Variants in MARVELD3 observed in about 807,000 individuals in gnomAD.
The protein encoded by MARVELD3 is MARVEL domain containing 3.
MARVELD3 carries 28 observed loss-of-function variants against 33.5 expected under a neutral mutation model. That is an observed-to-expected ratio of 0.84 (90% CI 0.62 to 1.15). The LOEUF (loss-of-function observed/expected upper bound fraction) is 1.15, where lower values mean the gene tolerates loss of function less well. Ranked by LOEUF, MARVELD3 falls within the 50% of genes most tolerant of loss-of-function variation. MARVELD3 has a pLI of 0.00. For missense variants in MARVELD3, 582 were observed against 547.6 expected (o/e 1.06, Z -0.63); for synonymous variants, 241 against 230.4 (o/e 1.05, Z -0.42).
intron 2 of MARVELD3, among the ~76,000 whole-genome samples, chr16:71,631,219 G>A (rs2044529143): frequency 6.6e-6 from 1 of 152,192 alleles, no homozygotes; most frequent in Non-Finnish European, 1.5e-5. Context: ...CTCACAGCCT[G>A]TAATTCTGTC....
intron 2 of MARVELD3, among the ~76,000 whole-genome samples, chr16:71,630,081 TAAAAA>T (rs35937926): frequency 7.2e-6 from 1 of 139,112 alleles, no homozygotes. Flanking sequence ...ATCTCTAGTT[TAAAAA>T]AAAAAAAAAA....
At chr16:71,627,322 G>A (rs2044484059) in intron 1 of MARVELD3, among the ~76,000 whole-genome samples, 1 of 152,190 alleles carries the variant, frequency 6.6e-6, no homozygotes, top group Non-Finnish European at 1.5e-5. Flanking sequence ...GGCCAACATG[G>A]TGAAACCCCG....
At chr16:71,639,935 T>C (rs1042202054), downstream of MARVELD3, among the ~76,000 whole-genome samples, 1 of 152,204 alleles carries the variant, frequency 6.6e-6, no homozygotes, top group African/African-American at 2.4e-5. Flanking sequence ...TTTTCAAACA[T>C]AGATTGAAAA....
intron 2 of MARVELD3, among the ~76,000 whole-genome samples, chr16:71,631,579 GGCTGGGAGGTAGCGCGT>G (rs2044533687): frequency 6.6e-6 from 1 of 152,060 alleles, no homozygotes; most frequent in South Asian, 2.1e-4. Flanking sequence ...CCTCCCGAGT[GGCTGGGAGGTAGCGCGT>G]GCCACCATGC....
In MARVELD3 at chr16:71,634,934, G is replaced by A. The variant is rs1317738817; in HGVS notation, c.*131G>A. On this transcript the variant is annotated 3_prime_UTR_variant, in exon 3 of 3. Transcript: ENST00000268485. ...CAGCGAGCCAGCGTTGGTGTGGTGG[G>A]CGGAGCTCCCAGTCGCATGGAGCGG... 22 of 1,455,846 alleles carry A rather than the reference G, an allele frequency of 1.5e-5. No homozygotes were observed. The Middle Eastern group carries it at 7.7e-4, about 51-fold the overall frequency. 90.2% of individuals were successfully genotyped at this position (1,455,846 alleles called of 1,614,324 possible).
At chr16:71,632,237 T>C (rs1382646824) in intron 2 of MARVELD3, among the ~76,000 whole-genome samples, 1 of 152,210 alleles carries the variant, frequency 6.6e-6, no homozygotes, top group African/African-American at 2.4e-5. Context: ...AGGAAATTTC[T>C]AGGCTAATGA....
chr16:71,627,994 C>G (rs903707357), intron 1 of MARVELD3, among the ~76,000 whole-genome samples: 15 of 152,220 alleles, frequency 9.9e-5, no homozygotes, highest in African/African-American at 3.6e-4. Context: ...AGGAGTCAGG[C>G]TCCCCTCTCC....
At chr16:71,639,201 G>C (rs1375883308), downstream of MARVELD3, 1 of 150,498 alleles carries the variant, frequency 6.6e-6, no homozygotes, top group African/African-American at 2.5e-5. Context: ...CCTTCCAAGT[G>C]GGTGGGATTA....
At position 71,634,257 on chromosome 16, in the gene MARVELD3, C is replaced by T. The variant is rs1202466064; in HGVS notation, c.660C>T (p.Tyr220=). 1 of 1,614,064 alleles carries T rather than the reference C, an allele frequency of 6.2e-7. No individual in the cohort carries two copies. Among genetic ancestry groups the T allele is most frequent in the African/African-American group, 1.3e-5 (1 of 74,928 alleles). The change falls in exon 3 of 3, where the codon TAC becomes TAT. Residue 220 remains tyrosine, a synonymous_variant. Transcript: ENST00000268485. Reference sequence around the variant, plus strand: ...TCCTGGCCTGCAGCTCTGTGTCTTACAGTTCCACAGGGGGCTACACGGGCA... The same window carrying T: ...TCCTGGCCTGCAGCTCTGTGTCTTATAGTTCCACAGGGGGCTACACGGGCA... The part of the protein sequence containing the change: ...LLILACSSVS[Y]SSTGGYTGIT...
rs533759724 is a variant in MARVELD3, at chr16:71,629,642, T to TAAAAA, written c.595+165_595+169dup. The stretch of plus-strand genomic sequence containing the variant: ...TGTACTTGTGAGGTTCTTGTTTTCT[T>TAAAAA]AAAAAAAAAAAAAAAAAAAAAGGAG... On this transcript the variant is annotated intron_variant, in intron 2 of 2. Coordinates refer to ENST00000268485, the MANE Select transcript of MARVELD3 (RefSeq NM_052858.6). The TAAAAA allele has an allele frequency of 1.9e-3, 634 of 325,304 alleles. 3 individuals are homozygous for TAAAAA. The highest frequency in any genetic ancestry group is 2.4e-3 in the Non-Finnish European group (462 of 193,850). 20.2% of individuals were successfully genotyped at this position (325,304 alleles called of 1,614,324 possible). A position where few individuals can be genotyped will look rare whatever the true frequency, so the allele number is the denominator to read the frequency against.
chr16:71,634,117 A>T, intron 2 of MARVELD3, 76 bp from the exon 3 acceptor site: 1 of 1,540,796 alleles, frequency 6.5e-7, no homozygotes, highest in Non-Finnish European at 8.7e-7. Context: ...CCCTGCGCGG[A>T]AGGTGGGCCT....
intron 2 of MARVELD3, among the ~76,000 whole-genome samples, chr16:71,631,873 T>A (rs963111940): frequency 1.3e-5 from 2 of 152,146 alleles, no homozygotes; most frequent in African/African-American, 4.8e-5. Flanking sequence ...TGAGAGAGCA[T>A]CATCATTTCA....
At chr16:71,629,245 C>T (rs1440596684) in intron 1 of MARVELD3, 122 bp from the exon 2 acceptor site, 26 of 1,162,774 alleles carry the variant, frequency 2.2e-5, no homozygotes, top group Admixed American at 3.3e-5. Context: ...TTTAAAATAC[C>T]GGGACAAATT....
At chr16:71,640,259 C>T (rs983306940), downstream of MARVELD3, 12 of 989,106 alleles carry the variant, frequency 1.2e-5, no homozygotes, top group Admixed American at 1.3e-4. Context: ...AGAGTGACAC[C>T]GTCTCAAAAA....
Position 71,635,707 on chromosome 16 carries a change from C to T in MARVELD3, c.*904C>T. 4.1e-6 allele frequency: 4 copies of T among 985,338 alleles called. No individual in the cohort carries two copies. Among genetic ancestry groups the T allele is most frequent in the Non-Finnish European group, 3.6e-6 (3 of 829,928 alleles). The allele number at this position is 985,338 out of a possible 1,614,324, so 61.0% of individuals were successfully genotyped here. On this transcript the variant is annotated 3_prime_UTR_variant, in exon 3 of 3. Transcript: ENST00000268485. ...AAACACAGTTGTCTCAAGCAGATTA[C>T]TCCACACGTTTTTCCACACTGAACT...
intron 1 of MARVELD3, among the ~76,000 whole-genome samples, chr16:71,627,404 TGAG>T (rs1489225058): frequency 2.6e-5 from 4 of 150,944 alleles, no homozygotes; most frequent in Non-Finnish European, 5.9e-5. Flanking sequence ...CTTGGGAGGC[TGAG>T]GAGGGAGAAT....
chr16:71,629,754 T>C, intron 2 of MARVELD3: 1 of 455,180 alleles, frequency 2.2e-6, no homozygotes, highest in African/African-American at 2.0e-5. Flanking sequence ...TGTTTGCAGC[T>C]TTCAGACTCC....
chr16:71,640,279 A>AAC, downstream of MARVELD3: 1 of 1,300,788 alleles, frequency 7.7e-7, no homozygotes, highest in Admixed American at 2.3e-5. Flanking sequence ...AAAAAAAAAA[A>AAC]AGTTGACATT....
downstream of MARVELD3, chr16:71,641,298 C>T (rs2044617719): frequency 2.7e-6 from 1 of 373,388 alleles, no homozygotes; most frequent in African/African-American, 2.1e-5. Context: ...ACTAAAAATA[C>T]AAAAAATCGC....
Sources: allele counts gnomAD v4.1 joint callset (sites outside exome capture counted in the v4.1 genomes callset), GRCh38; gene constraint gnomAD v4.1.1; transcripts MANE v1.5; gene names NCBI Gene and HGNC (gene_info 2026-07-23, HGNC 2026-07-21).